TRPM6: variants seen among roughly 807,000 people sequenced by gnomAD.
The protein encoded by TRPM6 is channel kinase 2.
In TRPM6, 111 loss-of-function variants were observed where a neutral mutation model predicts 247.6. That is an observed-to-expected ratio of 0.45 (90% CI 0.38 to 0.52). The LOEUF (loss-of-function observed/expected upper bound fraction) is 0.52. TRPM6 is among the 20% of genes least tolerant of loss of function. The pLI, the probability that TRPM6 is intolerant of heterozygous loss-of-function variation, is 0.00. For missense variants in TRPM6, 2,126 were observed against 2,421.5 expected (o/e 0.88, Z 2.56); for synonymous variants, 892 against 853.8 (o/e 1.04, Z -0.78).
At chr9:74,859,804 A>T (rs1319302605) in intron 1 of TRPM6, among the ~76,000 whole-genome samples, 1 of 151,914 alleles carries the variant, frequency 6.6e-6, no homozygotes, top group Admixed American at 6.6e-5. Flanking sequence ...ATGTGTCCAT[A>T]TTACTTTATA....
At chr9:74,883,007 A>C (rs1250553827) in intron 1 of TRPM6, among the ~76,000 whole-genome samples, 1 of 152,216 alleles carries the variant, frequency 6.6e-6, no homozygotes, top group Non-Finnish European at 1.5e-5. Flanking sequence ...TATACCCATT[A>C]AACAACTAAA....
At chr9:74,733,058 G>A (rs1825576378) in intron 36 of TRPM6, among the ~76,000 whole-genome samples, 1 of 152,032 alleles carries the variant, frequency 6.6e-6, no homozygotes, top group Non-Finnish European at 1.5e-5. Flanking sequence ...GCCGGGTTTG[G>A]TGGTGCATGC....
intron 25 of TRPM6, among the ~76,000 whole-genome samples, chr9:74,765,512 G>C (rs914973155): frequency 1.3e-5 from 2 of 151,828 alleles, no homozygotes; most frequent in Non-Finnish European, 2.9e-5. Context: ...GGGGAGAGGA[G>C]GTATAGTTTC....
At chr9:74,824,545 A>G (rs1336046218) in intron 7 of TRPM6, among the ~76,000 whole-genome samples, 132 of 123,012 alleles carry the variant, frequency 1.1e-3, no homozygotes, top group African/African-American at 3.8e-3. Flanking sequence ...AAAAAAAAAA[A>G]ATCTTACTGA....
intron 38 of TRPM6, among the ~76,000 whole-genome samples, 185 bp from the exon 39 acceptor site, chr9:74,724,931 C>A (rs1237595695): frequency 6.6e-6 from 1 of 152,186 alleles, no homozygotes; most frequent in Non-Finnish European, 1.5e-5. Flanking sequence ...CCAATACCCC[C>A]CTTCCTTCCC....
rs562177289 is a variant in TRPM6 at position 74,769,562 on chromosome 9, T to C, written c.3536+2141A>G. On this transcript the variant is annotated intron_variant, in intron 25 of 38. Coordinates refer to ENST00000360774, the MANE Select transcript of TRPM6 (RefSeq NM_017662.5). ...TCATGAGGTCAGGAGATCCAGAGCA[T>C]CCTGGCTAACACGGTGAAACCCCGT... 1.6e-3 allele frequency among the ~76,000 whole-genome samples: 240 copies of C among 151,868 alleles called. 1 individual carries two copies. Among genetic ancestry groups the C allele is most frequent in the African/African-American group, 5.6e-3 (231 of 41,424 alleles).
At chr9:74,823,646 T>C (rs907197203) in intron 7 of TRPM6, among the ~76,000 whole-genome samples, 1 of 152,098 alleles carries the variant, frequency 6.6e-6, no homozygotes, top group Non-Finnish European at 1.5e-5. Flanking sequence ...CTCTAAATAG[T>C]CTTATAAAAG....
At chr9:74,796,278 TGA>T (rs1319843638) in intron 18 of TRPM6, among the ~76,000 whole-genome samples, 1 of 152,200 alleles carries the variant, frequency 6.6e-6, no homozygotes, top group Admixed American at 6.5e-5. Flanking sequence ...TGAACAATGG[TGA>T]GATATTGTGG....
intron 12 of TRPM6, 144 bp from the exon 13 acceptor site, chr9:74,811,012 T>C: frequency 1.5e-6 from 1 of 671,032 alleles, no homozygotes. Context: ...AGCCAATTAA[T>C]TCTAAAGAAG....
chr9:74,840,070 A>G lies in TRPM6; in HGVS notation c.498T>C (p.Ala166=). The G allele has an allele frequency of 3.1e-6, 5 of 1,614,166 alleles. No homozygotes were observed. The highest frequency in any genetic ancestry group is 4.2e-6 in the Non-Finnish European group (5 of 1,180,026). The change falls in exon 5 of 39, where the codon GCT becomes GCC. Residue 166 remains alanine, a synonymous_variant. Transcript: ENST00000360774. ...KEIFSQGLVK[A]AETTGAWIIT... ...TTATCCACGCTCCTGTTGTCTCTGC[A>G]GCTTTAACCAAACCTTGGCTGAAAA... is the stretch of plus-strand genomic sequence containing the variant.
At chr9:74,836,680 C>A (rs749937473) in intron 5 of TRPM6, among the ~76,000 whole-genome samples, 2 of 152,202 alleles carry the variant, frequency 1.3e-5, no homozygotes, top group East Asian at 3.9e-4. Flanking sequence ...CCTTTCAGGG[C>A]TCCTTGCTAT....
At chr9:74,728,767 G>A (rs559805331) in intron 37 of TRPM6, among the ~76,000 whole-genome samples, 50 of 152,300 alleles carry the variant, frequency 3.3e-4, no homozygotes, top group African/African-American at 1.2e-3. Context: ...CTAAAACGAT[G>A]CATAGACATT....
At chr9:74,752,843 T>A (rs947063451) in intron 28 of TRPM6, among the ~76,000 whole-genome samples, 31 of 152,194 alleles carry the variant, frequency 2.0e-4, no homozygotes, top group Non-Finnish European at 3.7e-4. Flanking sequence ...CCAGGCGCCG[T>A]GGCTCACACC....
chr9:74,807,899 C>T (rs1288919257), intron 14 of TRPM6, 135 bp downstream of exon 14: 4 of 972,402 alleles, frequency 4.1e-6, no homozygotes, highest in Admixed American at 3.7e-5. Flanking sequence ...ACTTCACATA[C>T]AGCAGATAAC....
Position 74,762,921 on chromosome 9 carries a change from G to A in TRPM6, c.3750C>T (p.Pro1250=). Residue 1250 remains proline, a synonymous_variant, in exon 26 of 39, where the codon CCC becomes CCT. Transcript: ENST00000360774. ...CACAGATGACATTGCTCCAGCTGTGGGGAAGTTTTTTGCAAGTAGAATGCT... is the reference window on the plus strand; with the variant it reads ...CACAGATGACATTGCTCCAGCTGTGAGGAAGTTTTTTGCAAGTAGAATGCT... The part of the protein sequence containing the change: ...KRKHSTCKKL[P]HSWSNVICAE... The A allele has an allele frequency of 2.5e-6, 4 of 1,605,984 alleles. No homozygotes were observed. Among genetic ancestry groups the A allele is most frequent in the Non-Finnish European group, 3.4e-6 (4 of 1,174,772 alleles).
At chr9:74,841,374 G>A (rs1371866089) in intron 4 of TRPM6, among the ~76,000 whole-genome samples, 1 of 152,120 alleles carries the variant, frequency 6.6e-6, no homozygotes, top group Non-Finnish European at 1.5e-5. Flanking sequence ...AAGAAGTAAG[G>A]ACAATAAGAA....
rs1479147974 is a variant in TRPM6 at position 74,839,929 on chromosome 9, AAAG to A, written c.544+92_544+94del. The A allele has an allele frequency of 1.0e-4, 61 of 609,210 alleles. No homozygotes were observed. The Admixed American group carries it at 1.5e-3, about 15-fold the overall frequency. 37.7% of individuals were successfully genotyped at this position (609,210 alleles called of 1,614,324 possible). A position where few individuals can be genotyped will look rare whatever the true frequency, so the allele number is the denominator to read the frequency against. On this transcript the variant is annotated intron_variant, in intron 5 of 38. Transcript: ENST00000360774. ...GGGAGGGAGGGAGGGAAAGAAAAGA[AAAG>A]AAAGAGAAAGGAAAAAAGAAAAGAG...
At chr9:74,816,105 C>A (rs1446667624) in intron 11 of TRPM6, among the ~76,000 whole-genome samples, 1 of 152,160 alleles carries the variant, frequency 6.6e-6, no homozygotes, top group East Asian at 1.9e-4. Flanking sequence ...GTAATTCTGG[C>A]ACTTTGGGAG....
At chr9:74,820,200 T>A in intron 9 of TRPM6, 104 bp downstream of exon 9, 2 of 1,341,716 alleles carry the variant, frequency 1.5e-6, no homozygotes, top group Non-Finnish European at 2.1e-6. Context: ...GTTGTTCCCC[T>A]TCCTGTGTCC....
Sources: gnomAD v4.1 joint callset for allele counts (sites outside exome capture counted in the v4.1 genomes callset) on GRCh38, gnomAD v4.1.1 for gene constraint, MANE v1.5 for transcripts, NCBI Gene and HGNC (gene_info 2026-07-23, HGNC 2026-07-21) for gene names.